NEDD4L: variants seen among roughly 807,000 people sequenced by gnomAD.
NEDD4L encodes the protein E3 ubiquitin-protein ligase NEDD4-like.
In NEDD4L, 54 loss-of-function variants were observed where a neutral mutation model predicts 148.9. The ratio of observed to expected loss-of-function variants is 0.36; its 90% CI spans 0.29 to 0.45. NEDD4L has a LOEUF of 0.45. Among genes scored for constraint, NEDD4L ranks in the 20% least tolerant of loss-of-function variants. The probability of loss-of-function intolerance (pLI) is 1.00; values close to 1 mark genes in which losing one functional copy is unlikely to be tolerated. For synonymous variants in NEDD4L, 433 were observed against 440.7 expected, an observed-to-expected ratio of 0.98 and a Z score of 0.22; for missense variants, 856 against 1,233.8, an observed-to-expected ratio of 0.69 and a Z score of 4.59.
intron 1 of NEDD4L, among the ~76,000 whole-genome samples, chr18:58,099,560 T>G (rs2084630919): frequency 6.6e-6 from 1 of 152,224 alleles, no homozygotes; most frequent in South Asian, 2.1e-4. Flanking sequence ...TAGAGTGGGA[T>G]AGTGGTATTT....
intron 1 of NEDD4L, among the ~76,000 whole-genome samples, chr18:58,058,358 T>C (rs1177604209): frequency 2.0e-5 from 3 of 152,040 alleles, no homozygotes; most frequent in East Asian, 1.9e-4. Context: ...CACATTAAAG[T>C]GTATGGTTTG....
rs201036154 is a variant in NEDD4L, at chr18:58,357,323, A to G, written c.1767+71A>G. 3.4e-4 allele frequency: 433 copies of G among 1,283,044 alleles called. No homozygotes were observed. Among genetic ancestry groups the G allele is most frequent in the Admixed American group, 9.4e-4 (56 of 59,604 alleles). 79.5% of individuals were successfully genotyped at this position (1,283,044 alleles called of 1,614,324 possible). On this transcript the variant is annotated intron_variant, in intron 19 of 30. Coordinates refer to ENST00000400345, the MANE Select transcript of NEDD4L (RefSeq NM_001144967.3). ...CGTGTTTACGTGTTTCTTGTGTATT[A>G]CTGATAACGGTGATGTCAAGGGACA...
intron 5 of NEDD4L, among the ~76,000 whole-genome samples, chr18:58,281,923 G>A (rs1172442823): frequency 6.6e-6 from 1 of 151,632 alleles, no homozygotes; most frequent in Non-Finnish European, 1.5e-5. Flanking sequence ...TACTCGGGAG[G>A]CTGAGGCAGG....
At chr18:58,179,318 G>A (rs537575476) in intron 2 of NEDD4L, among the ~76,000 whole-genome samples, 45 of 152,222 alleles carry the variant, frequency 3.0e-4, no homozygotes, top group African/African-American at 9.4e-4. Context: ...TTCTTGGCCT[G>A]GAATGTCAAA....
In NEDD4L at chr18:58,063,907, A is replaced by G. The variant is rs572468827; in HGVS notation, c.48+19199A>G. ...GGTAGAACCCCTTTAGAGAAAAAACATCAGTGAGAAGCCATGTTGCCTTAT... is the reference window on the plus strand; with the variant it reads ...GGTAGAACCCCTTTAGAGAAAAAACGTCAGTGAGAAGCCATGTTGCCTTAT... On this transcript the variant is annotated intron_variant, in intron 1 of 30. Transcript: ENST00000400345. Among the ~76,000 whole-genome samples the G allele has an allele frequency of 2.7e-5, 4 of 150,852 alleles. 1 individual carries two copies. The South Asian group carries it at 8.4e-4, about 32-fold the overall frequency.
chr18:58,310,014 G>T (rs1039154905), intron 5 of NEDD4L, among the ~76,000 whole-genome samples: 5 of 152,166 alleles, frequency 3.3e-5, no homozygotes, highest in African/African-American at 1.2e-4. Flanking sequence ...CTTTGCTTGC[G>T]CTTGCTCTCG....
At chr18:58,094,181 T>A (rs922857298) in intron 1 of NEDD4L, among the ~76,000 whole-genome samples, 5 of 150,198 alleles carry the variant, frequency 3.3e-5, no homozygotes, top group Non-Finnish European at 5.9e-5. Context: ...TTTTTTTTTT[T>A]AATTTTTCTT....
chr18:58,098,783 A>G (rs2084580327), intron 1 of NEDD4L, among the ~76,000 whole-genome samples: 2 of 152,222 alleles, frequency 1.3e-5, no homozygotes, highest in South Asian at 4.1e-4. Flanking sequence ...GTGAGAAGAT[A>G]GTGGTGGCTC....
intron 1 of NEDD4L, among the ~76,000 whole-genome samples, chr18:58,147,956 A>C (rs2034271482): frequency 1.3e-5 from 2 of 152,096 alleles, no homozygotes; most frequent in Admixed American, 6.5e-5. Flanking sequence ...AATGCAATGC[A>C]GAAGGGGCTG....
intron 1 of NEDD4L, among the ~76,000 whole-genome samples, chr18:58,164,829 C>T (rs182418396): frequency 2.0e-5 from 3 of 152,310 alleles, no homozygotes; most frequent in Middle Eastern, 3.4e-3. Context: ...GTTATAACTG[C>T]AGGCTCTACA....
At position 58,335,518 on chromosome 18, in the gene NEDD4L, C is replaced by G. The variant is rs199527463; in HGVS notation, c.1106C>G (p.Thr369Arg). 7.1e-4 allele frequency: 1,153 copies of G among 1,613,470 alleles called. 1 individual carries two copies. The highest frequency in any genetic ancestry group is 9.0e-4 in the Non-Finnish European group (1,056 of 1,179,472). Reference sequence around the variant, plus strand: ...GGGAGAGCGCGTTCATCAACTGTCACGGGTGGTGAGGAACCAACGGTAATG... The same window carrying G: ...GGGAGAGCGCGTTCATCAACTGTCAGGGGTGGTGAGGAACCAACGGTAATG... ...PAGRARSSTV[T>R]GGEEPTPSVA... The change falls in exon 13 of 31, where the codon ACG becomes AGG. Residue 369 changes from threonine to arginine, a missense_variant. Thr to Arg is a moderately conservative substitution (Grantham distance 71, BLOSUM62 -1). Coordinates refer to ENST00000400345, the MANE Select transcript of NEDD4L (RefSeq NM_001144967.3).
At chr18:58,178,208 T>C (rs2038402472) in intron 2 of NEDD4L, among the ~76,000 whole-genome samples, 1 of 152,234 alleles carries the variant, frequency 6.6e-6, no homozygotes, top group South Asian at 2.1e-4. Flanking sequence ...GATTAAACTC[T>C]TTCATATTGC....
intron 1 of NEDD4L, among the ~76,000 whole-genome samples, chr18:58,095,562 G>A (rs987312221): frequency 6.6e-6 from 1 of 152,210 alleles, no homozygotes; most frequent in African/African-American, 2.4e-5. Context: ...GAGAGGCAGG[G>A]CACAGAGAGA....
At chr18:58,320,095 G>A (rs542360293) in intron 6 of NEDD4L, among the ~76,000 whole-genome samples, 111 of 152,154 alleles carry the variant, frequency 7.3e-4, no homozygotes, top group African/African-American at 2.6e-3. Context: ...AGCTGCATAG[G>A]GTATGGACAG....
chr18:58,168,674 A>C (rs2037172638), intron 2 of NEDD4L, among the ~76,000 whole-genome samples: 1 of 152,070 alleles, frequency 6.6e-6, no homozygotes, highest in Non-Finnish European at 1.5e-5. Flanking sequence ...CTGATCAGAC[A>C]CCTCATTCTC....
At chr18:58,124,324 C>T (rs1421890378) in intron 1 of NEDD4L, among the ~76,000 whole-genome samples, 1 of 152,226 alleles carries the variant, frequency 6.6e-6, no homozygotes, top group Non-Finnish European at 1.5e-5. Flanking sequence ...GCCTGCGGTG[C>T]CTTTGAGAGC....
intron 2 of NEDD4L, among the ~76,000 whole-genome samples, chr18:58,228,375 T>A (rs2148064427): frequency 6.6e-6 from 1 of 152,296 alleles, no homozygotes; most frequent in South Asian, 2.1e-4. Context: ...GGCAGGACAT[T>A]TCTAGCAGAG....
chr18:58,239,065 TCAA>T (rs2046341607), intron 2 of NEDD4L, among the ~76,000 whole-genome samples: 1 of 152,248 alleles, frequency 6.6e-6, no homozygotes, highest in Non-Finnish European at 1.5e-5. Context: ...GAGGAAACCT[TCAA>T]CAAAACAAGT....
chr18:58,049,947 G>T (rs1258572901), intron 1 of NEDD4L, among the ~76,000 whole-genome samples: 4 of 133,148 alleles, frequency 3.0e-5, no homozygotes, highest in Admixed American at 8.9e-5. Context: ...CTGCACTCTA[G>T]CCTGGGCGAC....
Sources: gnomAD v4.1 joint callset for allele counts (sites outside exome capture counted in the v4.1 genomes callset) on GRCh38, gnomAD v4.1.1 for gene constraint, MANE v1.5 for transcripts, NCBI Gene and HGNC (gene_info 2026-07-23, HGNC 2026-07-21) for gene names.